CEP44: variants seen among roughly 807,000 people sequenced by gnomAD.
CEP44 encodes centrosomal protein 44.
A neutral mutation model predicts 46.7 loss-of-function variants in CEP44; 45 were observed. The ratio of observed to expected loss-of-function variants is 0.96; its 90% CI spans 0.76 to 1.24. CEP44 has a LOEUF of 1.24. Among genes scored for constraint, CEP44 ranks in the 50% most tolerant of loss-of-function variants. The probability of loss-of-function intolerance (pLI) is 0.00; values close to 1 mark genes in which losing one functional copy is unlikely to be tolerated. For synonymous variants in CEP44, 142 were observed against 146.0 expected (o/e 0.97, Z 0.20); for missense variants, 475 against 459.7 (o/e 1.03, Z -0.30).
chr4:174,318,737 T>G lies in CEP44; in HGVS notation c.*1354T>G, dbSNP rs1742009330. On this transcript the variant is annotated 3_prime_UTR_variant, in exon 12 of 12. Coordinates refer to ENST00000503780, the MANE Select transcript of CEP44 (RefSeq NM_001040157.3). ...TTATATGAGTAGAAATCACTTAAAT[T>G]TTTTTTGTGTTTGTGAATTTGAAAC... is the stretch of plus-strand genomic sequence containing the variant. 1.3e-6 allele frequency: 1 copy of G among 785,168 alleles called. No individual in the cohort carries two copies. Among genetic ancestry groups the G allele is most frequent in the Admixed American group, 6.2e-5 (1 of 16,014 alleles). 48.6% of individuals were successfully genotyped at this position (785,168 alleles called of 1,614,324 possible). A position where few individuals can be genotyped will look rare whatever the true frequency, so the allele number is the denominator to read the frequency against.
At chr4:174,291,280 CT>C (rs545084606) in intron 1 of CEP44, among the ~76,000 whole-genome samples, 2 of 150,912 alleles carry the variant, frequency 1.3e-5, no homozygotes, top group South Asian at 2.1e-4. Flanking sequence ...TGATTTTTTT[CT>C]TTTTTTTGTT....
At chr4:174,322,175 T>C (rs1388310772), downstream of CEP44, among the ~76,000 whole-genome samples, 1 of 152,190 alleles carries the variant, frequency 6.6e-6, no homozygotes, top group Non-Finnish European at 1.5e-5. Context: ...TAGAAAAATG[T>C]TTAAAGTTTA....
At chr4:174,306,750 C>G (rs552056202) in intron 6 of CEP44, among the ~76,000 whole-genome samples, 1 of 152,172 alleles carries the variant, frequency 6.6e-6, no homozygotes, top group Admixed American at 6.5e-5. Context: ...AGCTGATAAG[C>G]AACTTCAGCA....
At chr4:174,302,226 A>G in intron 4 of CEP44, 40 bp downstream of exon 4, 1 of 1,304,320 alleles carries the variant, frequency 7.7e-7, no homozygotes. Flanking sequence ...TAGTTATTGA[A>G]TGATTTTTAA....
In CEP44 at chr4:174,309,769, C is replaced by T. The variant is rs57747776; in HGVS notation, c.679-81C>T. On this transcript the variant is annotated intron_variant, in intron 7 of 11. Coordinates refer to ENST00000503780, the MANE Select transcript of CEP44 (RefSeq NM_001040157.3). The surrounding 1 kb of genome is among the most constrained non-coding windows in gnomAD (Gnocchi z 5.3). Reference sequence around the variant, plus strand: ...CGGTCTCTCCTAACTGTTGAGATAACGCTGTGGAAGTGAGAATACATTAAT... The same window carrying T: ...CGGTCTCTCCTAACTGTTGAGATAATGCTGTGGAAGTGAGAATACATTAAT... 3,435 of 948,002 alleles carry T rather than the reference C, an allele frequency of 3.6e-3. 71 individuals are homozygous for T. The African/African-American group carries it at 0.049, about 13-fold the overall frequency. The allele number at this position is 948,002 out of a possible 1,614,324, so 58.7% of individuals were successfully genotyped here.
rs1375839058 is a variant in CEP44, at chr4:174,316,215, C to CTA, written c.1014_1015dup (p.Ser339IlefsTer20). 5 of 1,613,806 alleles carry CTA rather than the reference C, an allele frequency of 3.1e-6. No homozygotes were observed. In the South Asian group the frequency reaches 4.4e-5, roughly 14 times the overall value. ...CAGCAAGTATTCCTCTGTCCTCTGGCTATAGTACAGCATCATCAGATTCAA... is the reference window on the plus strand; with the variant it reads ...CAGCAAGTATTCCTCTGTCCTCTGGCTATATAGTACAGCATCATCAGATTCAA... On this transcript the variant is annotated frameshift_variant, in exon 10 of 12. Coordinates refer to ENST00000503780, the MANE Select transcript of CEP44 (RefSeq NM_001040157.3). LOFTEE classifies it high-confidence loss of function.
chr4:174,299,030 A>C, intron 2 of CEP44, 42 bp from the exon 3 acceptor site: 2 of 1,125,914 alleles, frequency 1.8e-6, no homozygotes, highest in South Asian at 3.0e-5. Context: ...AGCTTCAAAA[A>C]TACAGAGACT....
rs1036728531 is a variant in CEP44 at position 174,314,954 on chromosome 4, G to A, written c.962-1212G>A. The stretch of plus-strand genomic sequence containing the variant: ...TTAGCATTTGGAATTAGGACACCAC[G>A]AGTTAGTTAGTCAAATGATATTGAG... On this transcript the variant is annotated intron_variant, in intron 9 of 11. Coordinates refer to ENST00000503780, the MANE Select transcript of CEP44 (RefSeq NM_001040157.3). The surrounding 1 kb of genome is among the most constrained non-coding windows in gnomAD (Gnocchi z 4.1). Among the ~76,000 whole-genome samples, 2 of 152,180 alleles carry A rather than the reference G, an allele frequency of 1.3e-5. No individual in the cohort carries two copies. The highest frequency in any genetic ancestry group is 4.8e-5 in the African/African-American group (2 of 41,444).
chr4:174,285,599 C>T (rs918153312), intron 1 of CEP44: 6 of 151,968 alleles, frequency 3.9e-5, no homozygotes, highest in African/African-American at 1.5e-4. Flanking sequence ...TAAAGTGTTA[C>T]GTAAAACAGA....
chr4:174,318,420 A>T lies in CEP44; in HGVS notation c.*1037A>T, dbSNP rs967430468. ...GTGAGGTGTTGTGTTTTGTTTTTTT[A>T]ATGATGAAAAGTTACACATTTTTTG... On this transcript the variant is annotated 3_prime_UTR_variant, in exon 12 of 12. Transcript: ENST00000503780. The T allele has an allele frequency of 4.1e-5, 40 of 984,936 alleles. No homozygotes were observed. Among genetic ancestry groups the T allele is most frequent in the Non-Finnish European group, 4.8e-5 (40 of 829,558 alleles). The allele number at this position is 984,936 out of a possible 1,614,324, so 61.0% of individuals were successfully genotyped here.
At chr4:174,328,990 A>G (rs1242546667) in intron 8 of CEP44, among the ~76,000 whole-genome samples, 3 of 152,026 alleles carry the variant, frequency 2.0e-5, no homozygotes, top group Non-Finnish European at 4.4e-5. Flanking sequence ...TCTGTCACCC[A>G]GGCAGGAGTA....
At chr4:174,324,541 A>T (rs981824663), downstream of CEP44, among the ~76,000 whole-genome samples, 2 of 152,218 alleles carry the variant, frequency 1.3e-5, no homozygotes, top group Non-Finnish European at 2.9e-5. Flanking sequence ...CTCAGCATCC[A>T]TACCAACACT....
chr4:174,309,798 A>G lies in CEP44; in HGVS notation c.679-52A>G. On this transcript the variant is annotated intron_variant, in intron 7 of 11. Transcript: ENST00000503780. This position sits in a 1 kb window ranked among gnomAD's most constrained non-coding sequence, Gnocchi z 5.3. ...GTGGAAGTGAGAATACATTAATTTT[A>G]AAGAAATTTCAGTTTGTTTAATTTT... 1 of 1,242,708 alleles carries G rather than the reference A, an allele frequency of 8.0e-7. No individual in the cohort carries two copies. Among genetic ancestry groups the G allele is most frequent in the Non-Finnish European group, 1.1e-6 (1 of 877,150 alleles). 77.0% of individuals were successfully genotyped at this position (1,242,708 alleles called of 1,614,324 possible). A position where few individuals can be genotyped will look rare whatever the true frequency, so the allele number is the denominator to read the frequency against.
At chr4:174,289,239 G>A (rs1287618850) in intron 1 of CEP44, among the ~76,000 whole-genome samples, 1 of 149,536 alleles carries the variant, frequency 6.7e-6, no homozygotes. Context: ...GTATTTGTCT[G>A]GCTTTGGTAT....
chr4:174,296,621 G>A (rs1560893624), intron 1 of CEP44, among the ~76,000 whole-genome samples: 1 of 151,990 alleles, frequency 6.6e-6, no homozygotes, highest in Non-Finnish European at 1.5e-5. Context: ...GTTAAGGTAT[G>A]CCTTATGACG....
Position 174,317,412 on chromosome 4 carries a change from C to G in CEP44, c.*29C>G. 7.2e-7 allele frequency: 1 copy of G among 1,390,078 alleles called. No homozygotes were observed. The highest frequency in any genetic ancestry group is 9.5e-7 in the Non-Finnish European group (1 of 1,049,676). The allele number at this position is 1,390,078 out of a possible 1,614,324, so 86.1% of individuals were successfully genotyped here. A position where few individuals can be genotyped will look rare whatever the true frequency, so the allele number is the denominator to read the frequency against. ...TTTCTACATGAACTTTTTTCTAGGA[C>G]TTTGGTTACTATACATATTGTATAT... On this transcript the variant is annotated 3_prime_UTR_variant, in exon 12 of 12. Transcript: ENST00000503780.
At position 174,309,501 on chromosome 4, in the gene CEP44, C is replaced by A. The variant is rs1430550872; in HGVS notation, c.679-349C>A. 3.3e-5 allele frequency among the ~76,000 whole-genome samples: 5 copies of A among 152,008 alleles called. No homozygotes were observed. Among genetic ancestry groups the A allele is most frequent in the African/African-American group, 1.2e-4 (5 of 41,412 alleles). On this transcript the variant is annotated intron_variant, in intron 7 of 11. Coordinates refer to ENST00000503780, the MANE Select transcript of CEP44 (RefSeq NM_001040157.3). This position sits in a 1 kb window ranked among gnomAD's most constrained non-coding sequence, Gnocchi z 5.3. ...ACTAAGTGTTGTTTTTGGTCATTTC[C>A]TCTTAGCTTTGTGCTAAGCGTTGTT...
At chr4:174,321,067 T>C (rs1285730759), downstream of CEP44, among the ~76,000 whole-genome samples, 2 of 152,144 alleles carry the variant, frequency 1.3e-5, no homozygotes, top group South Asian at 2.1e-4. Context: ...TAATCTGTTA[T>C]CTTGCCTAAT....
intron 1 of CEP44, among the ~76,000 whole-genome samples, chr4:174,295,531 A>G (rs1172134994): frequency 3.5e-5 from 5 of 144,662 alleles, no homozygotes; most frequent in Admixed American, 6.9e-5. Flanking sequence ...GGGGCTCCTC[A>G]CGTCCCAGAC....
Sources: gnomAD v4.1 joint callset for allele counts (sites outside exome capture counted in the v4.1 genomes callset) on GRCh38, gnomAD v4.1.1 for gene constraint, Gnocchi (gnomAD v3.1) non-coding constraint, MANE v1.5 for transcripts, NCBI Gene and HGNC (gene_info 2026-07-23, HGNC 2026-07-21) for gene names.